The following EPHA6 variants were observed in gnomAD, a reference collection of about 807,000 sequenced individuals.
EPHA6 encodes EPH receptor A6.
A neutral mutation model predicts 112.0 loss-of-function variants in EPHA6; 50 were observed. The ratio of observed to expected loss-of-function variants is 0.45; its 90% CI spans 0.36 to 0.56. The LOEUF (loss-of-function observed/expected upper bound fraction) is 0.56, where lower values mean the gene tolerates loss of function less well. EPHA6 is among the 20% of genes least tolerant of loss of function. EPHA6 has a pLI of 0.00. For synonymous variants in EPHA6, 529 were observed against 490.7 expected, an observed-to-expected ratio of 1.08 and a Z score of -1.03; for missense variants, 1,280 against 1,417.4, an observed-to-expected ratio of 0.90 and a Z score of 1.56.
chr3:97,508,683 C>G (rs1182753434), intron 10 of EPHA6, among the ~76,000 whole-genome samples: 1 of 152,016 alleles, frequency 6.6e-6, no homozygotes, highest in Non-Finnish European at 1.5e-5. Context: ...CCACTTGGTC[C>G]AGAGCTGAGT....
rs1473063091 is a variant in EPHA6, at chr3:96,889,761, AC to A, written c.450+22874del. On this transcript the variant is annotated intron_variant, in intron 2 of 17. Coordinates refer to ENST00000389672, the MANE Select transcript of EPHA6 (RefSeq NM_001080448.3). The stretch of plus-strand genomic sequence containing the variant: ...AGAAGAAGAATACTGAGGCATTTAC[AC>A]CACAAAATACGAAAACTTATTATAA... Among the ~76,000 whole-genome samples, 3 of 152,204 alleles carry A rather than the reference AC, an allele frequency of 2.0e-5. No individual in the cohort carries two copies. The East Asian group carries it at 5.8e-4, about 29-fold the overall frequency.
At chr3:97,618,727 C>A (rs906396669) in intron 13 of EPHA6, among the ~76,000 whole-genome samples, 4 of 152,014 alleles carry the variant, frequency 2.6e-5, no homozygotes, top group African/African-American at 9.7e-5. Flanking sequence ...AATTGAATCC[C>A]TTAACACATC....
In EPHA6 at chr3:97,288,945, C is replaced by G. The variant is rs943563852; in HGVS notation, c.1606+44658C>G. Among the ~76,000 whole-genome samples the G allele has an allele frequency of 8.0e-4, 35 of 43,530 alleles. 2 individuals are homozygous for G. The highest frequency in any genetic ancestry group is 5.4e-3 in the Admixed American group (22 of 4,068). The allele number at this position is 43,530 out of a possible 152,430, so 28.6% of individuals were successfully genotyped here. A position where few individuals can be genotyped will look rare whatever the true frequency, so the allele number is the denominator to read the frequency against. On this transcript the variant is annotated intron_variant, in intron 5 of 17. Transcript: ENST00000389672. ...GGGGATTTTTTTTTTTTTTTTTTTG[C>G]TTGTTGATTTGTGTAAGTTTCCTAT...
At chr3:97,335,916 C>T (rs1005762962) in intron 5 of EPHA6, among the ~76,000 whole-genome samples, 1 of 151,980 alleles carries the variant, frequency 6.6e-6, no homozygotes, top group Non-Finnish European at 1.5e-5. Flanking sequence ...TGAAGCTGTG[C>T]TCTTGTGCTG....
At chr3:97,640,540 G>T (rs188277144) in intron 14 of EPHA6, among the ~76,000 whole-genome samples, 28 of 152,236 alleles carry the variant, frequency 1.8e-4, no homozygotes, top group African/African-American at 6.0e-4. Context: ...GGAAGCCGAG[G>T]GGAGCGGATC....
intron 1 of EPHA6, among the ~76,000 whole-genome samples, chr3:96,852,602 CA>C (rs562944142): frequency 0.17 from 18,210 of 106,124 alleles, 1,585 homozygotes; most frequent in Admixed American, 0.3. Flanking sequence ...GTATCTTATC[CA>C]AAAAAAAAAA....
intron 3 of EPHA6, among the ~76,000 whole-genome samples, chr3:97,023,945 T>A (rs1576341791): frequency 6.6e-6 from 1 of 152,174 alleles, no homozygotes; most frequent in East Asian, 1.9e-4. Context: ...GAAAATAAAA[T>A]GTCAAGGCTT....
intron 3 of EPHA6, among the ~76,000 whole-genome samples, chr3:97,038,956 A>G (rs1559686919): frequency 6.6e-6 from 1 of 152,054 alleles, no homozygotes; most frequent in Admixed American, 6.6e-5. Flanking sequence ...ATTTCTGGTG[A>G]TAATCTAGGC....
At chr3:96,851,352 G>A (rs2035373428) in intron 1 of EPHA6, among the ~76,000 whole-genome samples, 2 of 152,124 alleles carry the variant, frequency 1.3e-5, no homozygotes, top group South Asian at 4.1e-4. Flanking sequence ...AGCAAAACTG[G>A]ACTTAAACAG....
chr3:96,966,898 C>G (rs943689310), intron 2 of EPHA6, among the ~76,000 whole-genome samples: 7 of 151,846 alleles, frequency 4.6e-5, no homozygotes, highest in Non-Finnish European at 5.9e-5. Flanking sequence ...TATGTTAGAT[C>G]CTTTAAGTAT....
chr3:97,404,429 G>GT (rs1311220731), intron 5 of EPHA6, among the ~76,000 whole-genome samples: 3 of 152,094 alleles, frequency 2.0e-5, no homozygotes, highest in Non-Finnish European at 4.4e-5. Flanking sequence ...AAAAACTGCT[G>GT]TTTTTTTAGA....
At chr3:97,503,414 A>G (rs2107563625) in intron 10 of EPHA6, among the ~76,000 whole-genome samples, 1 of 152,310 alleles carries the variant, frequency 6.6e-6, no homozygotes, top group South Asian at 2.1e-4. Flanking sequence ...TCTCCCTCCT[A>G]AAGCATAAAC....
chr3:97,037,575 A>T (rs932864152), intron 3 of EPHA6, among the ~76,000 whole-genome samples: 1 of 152,092 alleles, frequency 6.6e-6, no homozygotes, highest in Non-Finnish European at 1.5e-5. Flanking sequence ...ATTAAATGCC[A>T]TACTAGAGAG....
At chr3:97,499,441 T>C (rs1350457844) in intron 10 of EPHA6, among the ~76,000 whole-genome samples, 1 of 152,198 alleles carries the variant, frequency 6.6e-6, no homozygotes, top group Non-Finnish European at 1.5e-5. Flanking sequence ...ACAAACAGCA[T>C]ATTTTCAAAT....
chr3:96,888,362 T>C (rs2037758102), intron 2 of EPHA6, among the ~76,000 whole-genome samples: 1 of 152,116 alleles, frequency 6.6e-6, no homozygotes. Flanking sequence ...GCTTCACCAG[T>C]TGGGGTGTAT....
At chr3:97,578,283 C>T (rs2093406151) in intron 11 of EPHA6, among the ~76,000 whole-genome samples, 1 of 152,066 alleles carries the variant, frequency 6.6e-6, no homozygotes, top group Non-Finnish European at 1.5e-5. Context: ...ACCCAAGATC[C>T]TTCGACATAC....
At chr3:97,342,021 T>A (rs761353636) in intron 5 of EPHA6, among the ~76,000 whole-genome samples, 4 of 152,112 alleles carry the variant, frequency 2.6e-5, no homozygotes, top group African/African-American at 4.8e-5. Flanking sequence ...AAGTTTTCTG[T>A]AACATAGAGA....
At chr3:97,629,403 A>G (rs2093885076) in intron 13 of EPHA6, among the ~76,000 whole-genome samples, 1 of 152,006 alleles carries the variant, frequency 6.6e-6, no homozygotes. Flanking sequence ...ATATGAGAGC[A>G]TGGTGTGCTT....
chr3:97,459,045 G>A (rs966106875), intron 7 of EPHA6, among the ~76,000 whole-genome samples: 3 of 152,162 alleles, frequency 2.0e-5, no homozygotes, highest in East Asian at 1.9e-4. Flanking sequence ...AAAAGGTAAC[G>A]TCTTAAAGGA....
Sources: gnomAD v4.1 joint callset for allele counts (sites outside exome capture counted in the v4.1 genomes callset) on GRCh38, gnomAD v4.1.1 for gene constraint, MANE v1.5 for transcripts, NCBI Gene and HGNC (gene_info 2026-07-23, HGNC 2026-07-21) for gene names.